The following FHIP1A variants were observed in gnomAD, a reference collection of about 807,000 sequenced individuals.
FHIP1A encodes the protein FHF complex subunit HOOK-interacting protein 1A.
In FHIP1A, 61 loss-of-function variants were observed where a neutral mutation model predicts 88.6. That is an observed-to-expected ratio of 0.69 (90% CI 0.56 to 0.85). FHIP1A has a LOEUF of 0.85. FHIP1A is among the 40% of genes least tolerant of loss of function. FHIP1A has a pLI of 0.00. For synonymous variants in FHIP1A, 478 were observed against 496.0 expected (o/e 0.96, Z 0.48); for missense variants, 1,154 against 1,273.5 (o/e 0.91, Z 1.43).
At chr4:151,588,203 T>G (rs540520053) in intron 6 of FHIP1A, among the ~76,000 whole-genome samples, 2 of 152,242 alleles carry the variant, frequency 1.3e-5, no homozygotes, top group South Asian at 4.1e-4. Context: ...TAGAGGGTTA[T>G]CTACACTAAA....
At chr4:151,541,902 C>T (rs962741668) in intron 3 of FHIP1A, among the ~76,000 whole-genome samples, 6 of 152,158 alleles carry the variant, frequency 3.9e-5, no homozygotes, top group African/African-American at 1.4e-4. Context: ...GGTCATCAAG[C>T]ATTGCTTATG....
chr4:151,427,440 C>G (rs1481278521), intron 1 of FHIP1A, among the ~76,000 whole-genome samples: 2 of 152,022 alleles, frequency 1.3e-5, no homozygotes, highest in East Asian at 3.8e-4. Flanking sequence ...ATATATGAGA[C>G]TAGTAAAACC....
intron 3 of FHIP1A, among the ~76,000 whole-genome samples, chr4:151,545,957 T>G (rs1363503894): frequency 2.6e-5 from 4 of 152,164 alleles, no homozygotes; most frequent in Non-Finnish European, 5.9e-5. Flanking sequence ...AAGTGTCAAC[T>G]TGACTGGATT....
chr4:151,516,488 A>G (rs1305555348), intron 3 of FHIP1A, among the ~76,000 whole-genome samples: 1 of 152,160 alleles, frequency 6.6e-6, no homozygotes, highest in African/African-American at 2.4e-5. Context: ...GCACAGCAAA[A>G]GAAACTACCA....
chr4:151,526,733 G>A (rs1454010943), intron 3 of FHIP1A, among the ~76,000 whole-genome samples: 118 of 152,082 alleles, frequency 7.8e-4, no homozygotes, highest in African/African-American at 2.6e-3. Context: ...CAGACGGGGC[G>A]GCTGCTGGGC....
intron 3 of FHIP1A, among the ~76,000 whole-genome samples, chr4:151,553,841 CA>C (rs1037989832): frequency 7.2e-5 from 11 of 152,186 alleles, no homozygotes; most frequent in African/African-American, 2.6e-4. Flanking sequence ...AACAAACAAA[CA>C]AAAAACAAAT....
chr4:151,497,946 A>G (rs928870085), intron 3 of FHIP1A, among the ~76,000 whole-genome samples: 1 of 152,038 alleles, frequency 6.6e-6, no homozygotes, highest in African/African-American at 2.4e-5. Context: ...GCATCCCCCA[A>G]AGTTGATATC....
At chr4:151,622,463 G>A (rs1045790336) in intron 7 of FHIP1A, among the ~76,000 whole-genome samples, 2 of 152,126 alleles carry the variant, frequency 1.3e-5, no homozygotes, top group African/African-American at 4.8e-5. Flanking sequence ...CCCAGCACCA[G>A]ACCTCTTTTT....
intron 7 of FHIP1A, among the ~76,000 whole-genome samples, chr4:151,627,912 A>G (rs1342606967): frequency 6.6e-6 from 1 of 152,204 alleles, no homozygotes; most frequent in East Asian, 1.9e-4. Flanking sequence ...TTGAGGTAAT[A>G]AAGAAAAGAC....
intron 4 of FHIP1A, among the ~76,000 whole-genome samples, chr4:151,576,451 A>C (rs1733794738): frequency 6.6e-6 from 1 of 152,048 alleles, no homozygotes; most frequent in Non-Finnish European, 1.5e-5. Context: ...CAAGGCATGC[A>C]CCACCACACC....
chr4:151,435,358 C>A (rs1324592117), intron 1 of FHIP1A, among the ~76,000 whole-genome samples: 1 of 152,134 alleles, frequency 6.6e-6, no homozygotes, highest in African/African-American at 2.4e-5. Flanking sequence ...TGAGTGAGAA[C>A]ATGTGGTATA....
chr4:151,510,105 A>AT (rs1174302899), intron 3 of FHIP1A, among the ~76,000 whole-genome samples: 60 of 146,782 alleles, frequency 4.1e-4, no homozygotes, highest in African/African-American at 1.0e-3. Context: ...CCCTGCCAGC[A>AT]TTTTTTTTTT....
intron 2 of FHIP1A, among the ~76,000 whole-genome samples, chr4:151,457,422 A>C (rs1253318169): frequency 1.3e-5 from 2 of 152,238 alleles, no homozygotes; most frequent in East Asian, 3.9e-4. Context: ...TGCTTTCTGA[A>C]TCTGAAATTA....
In FHIP1A at chr4:151,600,315, C is replaced by G. The variant is rs1247982868; in HGVS notation, c.978+11389C>G. Among the ~76,000 whole-genome samples, 3 of 152,308 alleles carry G rather than the reference C, an allele frequency of 2.0e-5. No individual in the cohort carries two copies. The East Asian group carries it at 5.8e-4, about 29-fold the overall frequency. ...TGACATTTCATTGTCTAAAGCAAAG[C>G]AAGTCACTAGGCCACATCTGACCTC... is the stretch of plus-strand genomic sequence containing the variant. On this transcript the variant is annotated intron_variant, in intron 7 of 13. Transcript: ENST00000435205.
chr4:151,525,655 C>T (rs1378463976), intron 3 of FHIP1A, among the ~76,000 whole-genome samples: 2 of 151,250 alleles, frequency 1.3e-5, no homozygotes, highest in Non-Finnish European at 2.9e-5. Context: ...TACATTTATT[C>T]TTTCCATTTA....
rs1421339838 is a variant in FHIP1A at position 151,589,178 on chromosome 4, A to G, written c.978+252A>G. 1.3e-5 allele frequency among the ~76,000 whole-genome samples: 2 copies of G among 152,174 alleles called. 1 individual carries two copies. The highest frequency in any genetic ancestry group is 3.9e-4 in the East Asian group (2 of 5,188). On this transcript the variant is annotated intron_variant, in intron 7 of 13. Transcript: ENST00000435205. ...AGTCAGCCTAAAGGAACATTGGCAG[A>G]TAGACTCTGACTCTGCCTGTTTCAC...
At chr4:151,460,453 C>T (rs1729109635) in intron 2 of FHIP1A, among the ~76,000 whole-genome samples, 1 of 152,010 alleles carries the variant, frequency 6.6e-6, no homozygotes, top group Non-Finnish European at 1.5e-5. Flanking sequence ...CCACCTTTTC[C>T]TGAGTCTTAA....
At chr4:151,489,659 G>C (rs567850033) in intron 3 of FHIP1A, among the ~76,000 whole-genome samples, 5 of 152,282 alleles carry the variant, frequency 3.3e-5, no homozygotes, top group African/African-American at 1.2e-4. Flanking sequence ...AGTGAGACTG[G>C]CCTTGCTGGG....
chr4:151,455,027 C>G (rs1243154144), intron 2 of FHIP1A, among the ~76,000 whole-genome samples: 1 of 152,082 alleles, frequency 6.6e-6, no homozygotes, highest in South Asian at 2.1e-4. Context: ...TCCAGGAACC[C>G]TTCCCCACAT....
Sources: gnomAD v4.1 joint callset for allele counts (sites outside exome capture counted in the v4.1 genomes callset) on GRCh38, gnomAD v4.1.1 for gene constraint, MANE v1.5 for transcripts, NCBI Gene and HGNC (gene_info 2026-07-23, HGNC 2026-07-21) for gene names.